Variants in INVS observed in about 807,000 individuals in gnomAD.
INVS encodes the protein inversion of embryo turning homolog.
In INVS, 86 loss-of-function variants were observed where a neutral mutation model predicts 108.8. The ratio of observed to expected loss-of-function variants is 0.79; its 90% CI spans 0.66 to 0.95. The LOEUF (loss-of-function observed/expected upper bound fraction) is 0.95. INVS is among the 40% of genes least tolerant of loss of function. The pLI, the probability that INVS is intolerant of heterozygous loss-of-function variation, is 0.00. For missense variants in INVS, 1,169 were observed against 1,297.4 expected, an observed-to-expected ratio of 0.90 and a Z score of 1.52; for synonymous variants, 455 against 473.5, an observed-to-expected ratio of 0.96 and a Z score of 0.51.
At chr9:100,147,014 G>A (rs1588038201) in intron 3 of INVS, among the ~76,000 whole-genome samples, 1 of 152,150 alleles carries the variant, frequency 6.6e-6, no homozygotes, top group Admixed American at 6.5e-5. Context: ...CATGTAGTAG[G>A]TGCTAAATAT....
At chr9:100,179,088 A>T (rs1423138849) in intron 3 of INVS, among the ~76,000 whole-genome samples, 6 of 152,198 alleles carry the variant, frequency 3.9e-5, no homozygotes, top group African/African-American at 1.4e-4. Flanking sequence ...AAGCAAATGC[A>T]GAGAGATTTT....
Position 100,301,958 on chromosome 9 carries a change from A to C in INVS, c.*1284A>C, listed in dbSNP as rs538500140. On this transcript the variant is annotated 3_prime_UTR_variant, in exon 17 of 17. Transcript: ENST00000262457. ...TTTTGTAAATATTTAGCTCCTATGA[A>C]ATGCACAATGCACAACCGCCTATGA... 2 of 363,996 alleles carry C rather than the reference A, an allele frequency of 5.5e-6. No homozygotes were observed. Among genetic ancestry groups the C allele is most frequent in the African/African-American group, 4.1e-5 (2 of 48,980 alleles). The allele number at this position is 363,996 out of a possible 1,614,324, so 22.5% of individuals were successfully genotyped here.
intron 3 of INVS, chr9:100,175,667 C>A: frequency 3.1e-6 from 2 of 644,338 alleles, no homozygotes; most frequent in Non-Finnish European, 5.9e-6. Context: ...CCTACCCCAG[C>A]CTCTATTCTT....
chr9:100,129,625 G>A (rs941064300), intron 3 of INVS: 7 of 626,660 alleles, frequency 1.1e-5, no homozygotes, highest in South Asian at 2.0e-5. Flanking sequence ...TAATTTGCCT[G>A]TCAAAAAAAT....
rs760214882 is a variant in INVS, at chr9:100,126,482, A to G, written c.206A>G (p.Lys69Arg). Residue 69 changes from lysine to arginine, a missense_variant, in exon 3 of 17, where the codon AAG (lysine) becomes AGG (arginine). Lys to Arg is a conservative substitution (Grantham distance 26). Transcript: ENST00000262457. ...TTGGATTGTGCAGATGCTCTTCTGA[A>G]GGCAGGAGCAGATGTGAATAAAACT... ...DRLDCADALL[K>R]AGADVNKTDH... 6.2e-7 allele frequency: 1 copy of G among 1,614,124 alleles called. No homozygotes were observed. Among genetic ancestry groups the G allele is most frequent in the Non-Finnish European group, 8.5e-7 (1 of 1,179,976 alleles).
rs780090630 is a variant in INVS, at chr9:100,154,331, A to ATTTTTTTTTTTTTTTTTTTTTTTTTTT, written c.273+27784_273+27810dup. Among the ~76,000 whole-genome samples the ATTTTTTTTTTTTTTTTTTTTTTTTTTT allele has an allele frequency of 2.9e-4, 20 of 68,570 alleles. 3 individuals are homozygous for ATTTTTTTTTTTTTTTTTTTTTTTTTTT. The highest frequency in any genetic ancestry group is 5.2e-4 in the South Asian group (1 of 1,912). The allele number at this position is 68,570 out of a possible 152,430, so 45.0% of individuals were successfully genotyped here. A position where few individuals can be genotyped will look rare whatever the true frequency, so the allele number is the denominator to read the frequency against. On this transcript the variant is annotated intron_variant, in intron 3 of 16. Coordinates refer to ENST00000262457, the MANE Select transcript of INVS (RefSeq NM_014425.5). ...AGGTGTGTGCCACCACAACCGACTA[A>ATTTTTTTTTTTTTTTTTTTTTTTTTTT]TTTTTTTTTTTTTTTTTTTTTTTTT...
chr9:100,196,285 G>A (rs1830371528), intron 3 of INVS, among the ~76,000 whole-genome samples: 2 of 152,268 alleles, frequency 1.3e-5, no homozygotes, highest in South Asian at 4.1e-4. Context: ...AACAAAAAGT[G>A]ATGGTCAGAA....
rs1443974489 is a variant in INVS at position 100,240,121 on chromosome 9, A to G, written c.677A>G (p.His226Arg). The G allele has an allele frequency of 3.7e-6, 6 of 1,614,062 alleles. No individual in the cohort carries two copies. The highest frequency in any genetic ancestry group is 1.7e-5 in the Admixed American group (1 of 60,012). ...WQDYEGRTPLHFAVADGNVTV... is the reference protein window; with the variant it reads ...WQDYEGRTPLRFAVADGNVTV... ...GACTACGAGGGTCGAACTCCTCTTC[A>G]CTTTGCAGTTGCTGATGGGAATGTG... The change falls in exon 6 of 17, where the codon CAC (histidine) becomes CGC (arginine). Residue 226 changes from histidine to arginine, a missense_variant. By Grantham distance (29) the His-to-Arg change is conservative (BLOSUM62 0). Transcript: ENST00000262457.
At chr9:100,272,391 CT>C (rs1832985345) in intron 11 of INVS, among the ~76,000 whole-genome samples, 1 of 152,162 alleles carries the variant, frequency 6.6e-6, no homozygotes, top group Admixed American at 6.5e-5. Flanking sequence ...AGTAATCCAT[CT>C]TTTCTGCAGA....
At chr9:100,124,659 ATAGT>A (rs1318227328) in intron 2 of INVS, among the ~76,000 whole-genome samples, 2 of 151,186 alleles carry the variant, frequency 1.3e-5, no homozygotes. Context: ...ATGAGTGTTC[ATAGT>A]TGGTTGTTGG....
chr9:100,241,896 G>A (rs1831885615), intron 6 of INVS, among the ~76,000 whole-genome samples: 1 of 152,158 alleles, frequency 6.6e-6, no homozygotes. Flanking sequence ...TCCTACGTAT[G>A]CTACTACCAG....
At chr9:100,131,281 C>T (rs1018698868) in intron 3 of INVS, among the ~76,000 whole-genome samples, 1 of 152,076 alleles carries the variant, frequency 6.6e-6, no homozygotes. Flanking sequence ...ATTACTAATA[C>T]AAATACGAGA....
chr9:100,109,359 CTGTTAT>C (rs1438069525), intron 2 of INVS, among the ~76,000 whole-genome samples: 1 of 152,188 alleles, frequency 6.6e-6, no homozygotes, highest in Non-Finnish European at 1.5e-5. Flanking sequence ...TATCCTATTA[CTGTTAT>C]TGTTATGTCA....
chr9:100,228,243 G>A (rs192459029), intron 4 of INVS, among the ~76,000 whole-genome samples: 17 of 152,064 alleles, frequency 1.1e-4, no homozygotes, highest in African/African-American at 2.7e-4. Flanking sequence ...CACCCGCCTC[G>A]ATCTCCCAAA....
chr9:100,290,828 A>C (rs1220595635), intron 13 of INVS, among the ~76,000 whole-genome samples: 1 of 151,400 alleles, frequency 6.6e-6, no homozygotes, highest in Non-Finnish European at 1.5e-5. Flanking sequence ...CTTTCACCTC[A>C]GCCTTCTGAG....
At chr9:100,293,367 C>T (rs965584597) in intron 14 of INVS, among the ~76,000 whole-genome samples, 1 of 152,148 alleles carries the variant, frequency 6.6e-6, no homozygotes, top group Admixed American at 6.5e-5. Context: ...CACATGGCCC[C>T]CCTGACCCTC....
chr9:100,294,037 A>C (rs745396040), intron 14 of INVS, among the ~76,000 whole-genome samples: 5 of 152,162 alleles, frequency 3.3e-5, no homozygotes, highest in Non-Finnish European at 7.4e-5. Context: ...GCATGGTGGC[A>C]CATGCCTGTA....
At chr9:100,278,306 A>G (rs1485143067) in intron 12 of INVS, among the ~76,000 whole-genome samples, 1 of 151,338 alleles carries the variant, frequency 6.6e-6, no homozygotes, top group Non-Finnish European at 1.5e-5. Flanking sequence ...CTGCTCATGC[A>G]TACTTCTCCC....
At chr9:100,219,845 A>T (rs1193563611) in intron 3 of INVS, among the ~76,000 whole-genome samples, 6 of 152,176 alleles carry the variant, frequency 3.9e-5, no homozygotes, top group African/African-American at 1.2e-4. Context: ...TTGTACAAAG[A>T]TTGAAAACAT....
Sources: gnomAD v4.1 joint callset for allele counts (sites outside exome capture counted in the v4.1 genomes callset) on GRCh38, gnomAD v4.1.1 for gene constraint, MANE v1.5 for transcripts, NCBI Gene and HGNC (gene_info 2026-07-23, HGNC 2026-07-21) for gene names.